TBC1D9: variants seen among roughly 807,000 people sequenced by gnomAD.
TBC1D9 encodes the protein TBC1 domain family member 9A.
TBC1D9 carries 63 observed loss-of-function variants against 132.0 expected under a neutral mutation model. The observed-to-expected ratio is 0.48, with a 90% CI of 0.39 to 0.59. The LOEUF (loss-of-function observed/expected upper bound fraction) is 0.59, where lower values mean the gene tolerates loss of function less well. Among genes scored for constraint, TBC1D9 ranks in the 20% least tolerant of loss-of-function variants. The pLI, the probability that TBC1D9 is intolerant of heterozygous loss-of-function variation, is 0.00. For missense variants in TBC1D9, 1,261 were observed against 1,592.7 expected (o/e 0.79, Z 3.54); for synonymous variants, 610 against 609.9 (o/e 1.00, Z 0.00).
At chr4:140,737,494 C>A (rs956399012) in intron 1 of TBC1D9, among the ~76,000 whole-genome samples, 8 of 151,868 alleles carry the variant, frequency 5.3e-5, no homozygotes, top group African/African-American at 1.9e-4. Flanking sequence ...CACACACTCA[C>A]ATTCACATCC....
chr4:140,683,854 T>G (rs1276918969), intron 3 of TBC1D9, among the ~76,000 whole-genome samples: 1 of 152,252 alleles, frequency 6.6e-6, no homozygotes, highest in African/African-American at 2.4e-5. Context: ...TTTTGTAATC[T>G]ATCCCAAAGG....
intron 16 of TBC1D9, among the ~76,000 whole-genome samples, chr4:140,628,783 T>A (rs1004243567): frequency 6.6e-6 from 1 of 152,244 alleles, no homozygotes; most frequent in Non-Finnish European, 1.5e-5. Flanking sequence ...TAAATAACTA[T>A]TAGAGTTCAG....
intron 9 of TBC1D9, among the ~76,000 whole-genome samples, chr4:140,667,817 C>T (rs1007948050): frequency 4.6e-5 from 7 of 152,130 alleles, no homozygotes; most frequent in African/African-American, 1.4e-4. Context: ...ATGAAATAGA[C>T]AAAACCAATT....
intron 1 of TBC1D9, among the ~76,000 whole-genome samples, chr4:140,738,153 T>C (rs1738704962): frequency 1.3e-5 from 2 of 152,330 alleles, no homozygotes; most frequent in African/African-American, 2.4e-5. Context: ...CTTGCATTTC[T>C]CCTCTCTTGT....
At chr4:140,640,447 T>A (rs201199235) in intron 13 of TBC1D9, among the ~76,000 whole-genome samples, 1 of 108,004 alleles carries the variant, frequency 9.3e-6, no homozygotes, top group Admixed American at 9.8e-5. Flanking sequence ...GGTGGTGGGG[T>A]GGGGGGGGGA....
chr4:140,695,691 T>C (rs1737944411), intron 2 of TBC1D9, among the ~76,000 whole-genome samples: 1 of 152,180 alleles, frequency 6.6e-6, no homozygotes, highest in Admixed American at 6.5e-5. Flanking sequence ...GTCCTTATAA[T>C]GGGCAGAAAG....
At chr4:140,694,849 G>A (rs554234502) in intron 2 of TBC1D9, among the ~76,000 whole-genome samples, 2 of 151,582 alleles carry the variant, frequency 1.3e-5, no homozygotes, top group African/African-American at 2.4e-5. Flanking sequence ...TTCATTTTAT[G>A]TATCTATATT....
intron 3 of TBC1D9, among the ~76,000 whole-genome samples, chr4:140,683,488 T>A (rs1322740509): frequency 6.6e-6 from 1 of 152,128 alleles, no homozygotes; most frequent in Non-Finnish European, 1.5e-5. Flanking sequence ...TTTCTACAGG[T>A]TTCGCATAAT....
chr4:140,669,814 C>A lies in TBC1D9; in HGVS notation c.1267-10G>T, dbSNP rs1737507918. ...TGGGTCGAGAGTACACCTGTCAATA[C>A]AGAGAGGAACAAGACATTGGGAGGA... On this transcript the variant is annotated splice_polypyrimidine_tract_variant and intron_variant, in intron 7 of 20. Transcript: ENST00000442267. 1.9e-6 allele frequency: 3 copies of A among 1,606,238 alleles called. No individual in the cohort carries two copies. The highest frequency in any genetic ancestry group is 2.6e-6 in the Non-Finnish European group (3 of 1,173,712).
rs191245702 is a variant in TBC1D9, at chr4:140,672,869, T to C, written c.1060-1943A>G. Among the ~76,000 whole-genome samples the C allele has an allele frequency of 4.1e-4, 63 of 152,080 alleles. 1 individual carries two copies. The highest frequency in any genetic ancestry group is 3.3e-3 in the Admixed American group (50 of 15,266). ...GAAACACTGGAAAGTAATTTATGAA[T>C]GAAAAAAAAGGCTAGGCACGTGGCT... On this transcript the variant is annotated intron_variant, in intron 6 of 20. Coordinates refer to ENST00000442267, the MANE Select transcript of TBC1D9 (RefSeq NM_015130.3).
At chr4:140,729,406 A>G (rs1018985340) in intron 1 of TBC1D9, among the ~76,000 whole-genome samples, 19 of 152,198 alleles carry the variant, frequency 1.2e-4, no homozygotes, top group Non-Finnish European at 1.9e-4. Context: ...TCGAACTGCA[A>G]TTTATCCATC....
At chr4:140,640,209 G>A (rs927062147) in intron 13 of TBC1D9, among the ~76,000 whole-genome samples, 4 of 152,176 alleles carry the variant, frequency 2.6e-5, no homozygotes, top group Admixed American at 2.0e-4. Flanking sequence ...GAGGCTATGT[G>A]GCTTGCACTT....
In TBC1D9 at chr4:140,670,941, G is replaced by GA; in HGVS notation, c.1060-16dup. Reference sequence around the variant, plus strand: ...ACAATTGTCACCTGAAAAGAAGTGGGAAACAAAGAGCATTATTTTCCAAGA... The same window carrying GA: ...ACAATTGTCACCTGAAAAGAAGTGGGAAAACAAAGAGCATTATTTTCCAAGA... On this transcript the variant is annotated splice_polypyrimidine_tract_variant and intron_variant, in intron 6 of 20. Transcript: ENST00000442267. 1 of 1,610,888 alleles carries GA rather than the reference G, an allele frequency of 6.2e-7. No individual in the cohort carries two copies. Among genetic ancestry groups the GA allele is most frequent in the Non-Finnish European group, 8.5e-7 (1 of 1,177,304 alleles).
intron 1 of TBC1D9, among the ~76,000 whole-genome samples, chr4:140,711,939 A>G (rs57935410): frequency 0.3 from 45,064 of 152,154 alleles, 7,877 homozygotes; most frequent in South Asian, 0.41. Flanking sequence ...GTTTTCAAAA[A>G]TATCTCAAAT....
At chr4:140,651,006 C>T (rs1174521173) in intron 13 of TBC1D9, among the ~76,000 whole-genome samples, 1 of 152,224 alleles carries the variant, frequency 6.6e-6, no homozygotes, top group Non-Finnish European at 1.5e-5. Flanking sequence ...TGATGGCCCT[C>T]ATCTTCTTCA....
intron 15 of TBC1D9, among the ~76,000 whole-genome samples, chr4:140,637,979 G>T (rs1473458251): frequency 6.6e-6 from 1 of 152,180 alleles, no homozygotes; most frequent in African/African-American, 2.4e-5. Flanking sequence ...TCTAGTATTA[G>T]TACTAGTGCA....
At chr4:140,721,494 C>G (rs1397985830) in intron 1 of TBC1D9, among the ~76,000 whole-genome samples, 1 of 152,148 alleles carries the variant, frequency 6.6e-6, no homozygotes, top group Non-Finnish European at 1.5e-5. Flanking sequence ...ACTCCAGAGC[C>G]TGTGGAGTGT....
chr4:140,749,668 A>C (rs1385517766), intron 1 of TBC1D9, among the ~76,000 whole-genome samples: 1 of 152,194 alleles, frequency 6.6e-6, no homozygotes, highest in Non-Finnish European at 1.5e-5. Context: ...ATTTATAAAA[A>C]ACAATTAAAT....
At chr4:140,749,762 G>C (rs1318488015) in intron 1 of TBC1D9, among the ~76,000 whole-genome samples, 1 of 152,124 alleles carries the variant, frequency 6.6e-6, no homozygotes, top group Non-Finnish European at 1.5e-5. Flanking sequence ...CAGAAGAGTT[G>C]AAAGTGAAAG....
Sources: gnomAD v4.1 joint callset for allele counts (sites outside exome capture counted in the v4.1 genomes callset) on GRCh38, gnomAD v4.1.1 for gene constraint, MANE v1.5 for transcripts, NCBI Gene and HGNC (gene_info 2026-07-23, HGNC 2026-07-21) for gene names.